Variants in STXBP3 observed in about 807,000 individuals in gnomAD.
STXBP3 encodes the protein syntaxin binding protein 3.
STXBP3 carries 41 observed loss-of-function variants against 85.7 expected under a neutral mutation model. That is an observed-to-expected ratio of 0.48 (90% CI 0.37 to 0.62). STXBP3 has a LOEUF of 0.62. Among genes scored for constraint, STXBP3 ranks in the 20% least tolerant of loss-of-function variants. The probability of loss-of-function intolerance (pLI) is 0.00; values close to 1 mark genes in which losing one functional copy is unlikely to be tolerated. For synonymous variants in STXBP3, 229 were observed against 231.7 expected (o/e 0.99, Z 0.10); for missense variants, 563 against 703.1 (o/e 0.80, Z 2.25).
intron 1 of STXBP3, among the ~76,000 whole-genome samples, chr1:108,747,339 G>A (rs1348159434): frequency 1.3e-5 from 2 of 152,146 alleles, no homozygotes; most frequent in Non-Finnish European, 2.9e-5. Flanking sequence ...CCTACTTTCT[G>A]AAAAGTTCTT....
chr1:108,788,085 C>T (rs1359498641), intron 11 of STXBP3, among the ~76,000 whole-genome samples: 1 of 152,204 alleles, frequency 6.6e-6, no homozygotes, highest in African/African-American at 2.4e-5. Flanking sequence ...AGCCACCACA[C>T]CCAGCCTGTT....
intron 12 of STXBP3, among the ~76,000 whole-genome samples, chr1:108,794,036 G>A (rs184233609): frequency 1.0e-3 from 159 of 151,974 alleles, no homozygotes; most frequent in Non-Finnish European, 1.6e-3. Context: ...CTATTTTTTT[G>A]CTCCTTAAAA....
chr1:108,756,516 A>C (rs1376851270), intron 3 of STXBP3, among the ~76,000 whole-genome samples, 174 bp from the exon 4 acceptor site: 1 of 152,076 alleles, frequency 6.6e-6, no homozygotes, highest in Non-Finnish European at 1.5e-5. Flanking sequence ...AGGATTTTAA[A>C]ATGTATCCAG....
chr1:108,794,858 G>C lies in STXBP3; in HGVS notation c.1061G>C (p.Cys354Ser), dbSNP rs1452562331. Residue 354 changes from cysteine to serine, a missense_variant, in exon 13 of 19, where the codon TGC becomes TCC. Around this residue, in one of 3 missense-constraint regions of STXBP3, gnomAD observed 494 missense variants for 592.8 expected, o/e 0.83. Transcript: ENST00000370008. The part of the protein sequence containing the change: ...QVVHLNLAED[C>S]MNKFKLNIEK... ...GTCCATCTTAACTTAGCAGAAGATT[G>C]CATGAATAAGTTCAAGCTTAATATA... The C allele has an allele frequency of 2.5e-6, 4 of 1,610,530 alleles. No homozygotes were observed. The highest frequency in any genetic ancestry group is 1.7e-6 in the Non-Finnish European group (2 of 1,178,200).
At chr1:108,788,323 A>G (rs1246263868) in intron 11 of STXBP3, among the ~76,000 whole-genome samples, 1 of 152,162 alleles carries the variant, frequency 6.6e-6, no homozygotes, top group Non-Finnish European at 1.5e-5. Flanking sequence ...ATTTGCTTCT[A>G]TATTTATGAG....
At chr1:108,773,402 T>G (rs924160769) in intron 7 of STXBP3, among the ~76,000 whole-genome samples, 7 of 152,210 alleles carry the variant, frequency 4.6e-5, no homozygotes, top group African/African-American at 1.7e-4. Flanking sequence ...CATAGGCTAA[T>G]TGATATAAAC....
In STXBP3 at chr1:108,771,443, T is replaced by TATATATATATAATATATAAATATATATG. The variant is rs1557805488; in HGVS notation, c.439-1214_439-1213insATAATATATAAATATATATGATATATAT. Among the ~76,000 whole-genome samples the TATATATATATAATATATAAATATATATG allele has an allele frequency of 9.3e-4, 22 of 23,606 alleles. 1 individual carries two copies. The highest frequency in any genetic ancestry group is 1.9e-3 in the African/African-American group (7 of 3,716). The allele number at this position is 23,606 out of a possible 152,430, so 15.5% of individuals were successfully genotyped here. The stretch of plus-strand genomic sequence containing the variant: ...TATATAAATATATATGATATATATC[T>TATATATATATAATATATAAATATATATG]ATATATATCATATATAAATATATAT... On this transcript the variant is annotated intron_variant, in intron 6 of 18. Transcript: ENST00000370008.
chr1:108,782,978 C>T (rs1207617313), intron 11 of STXBP3, among the ~76,000 whole-genome samples: 2 of 152,234 alleles, frequency 1.3e-5, no homozygotes, highest in African/African-American at 4.8e-5. Flanking sequence ...TCTCAGCTCA[C>T]TGCAGTCTCC....
At chr1:108,808,109 T>G (rs568183079) in intron 18 of STXBP3, among the ~76,000 whole-genome samples, 1 of 152,352 alleles carries the variant, frequency 6.6e-6, no homozygotes, top group African/African-American at 2.4e-5. Context: ...TGTACGTTTG[T>G]TTAACCATTA....
At chr1:108,778,378 G>A (rs977916529) in intron 8 of STXBP3, among the ~76,000 whole-genome samples, 1 of 152,160 alleles carries the variant, frequency 6.6e-6, no homozygotes, top group Non-Finnish European at 1.5e-5. Flanking sequence ...TGATGTTTGC[G>A]AATTAATGAT....
chr1:108,782,199 A>G, intron 9 of STXBP3: 1 of 433,394 alleles, frequency 2.3e-6, no homozygotes, highest in South Asian at 4.5e-5. Flanking sequence ...AATGGCACCT[A>G]AACTGAATAT....
chr1:108,779,453 G>C, intron 9 of STXBP3, 43 bp downstream of exon 9: 1 of 1,551,964 alleles, frequency 6.4e-7, no homozygotes, highest in Non-Finnish European at 8.7e-7. Flanking sequence ...TATACAAACA[G>C]GATAGAATAT....
intron 8 of STXBP3, among the ~76,000 whole-genome samples, chr1:108,778,973 T>C (rs1190843340): frequency 6.6e-6 from 1 of 152,180 alleles, no homozygotes; most frequent in Non-Finnish European, 1.5e-5. Context: ...TTGAAAAAAC[T>C]CTGAGTATAA....
chr1:108,800,713 C>T (rs191301841), intron 17 of STXBP3, among the ~76,000 whole-genome samples: 333 of 152,170 alleles, frequency 2.2e-3, no homozygotes, highest in African/African-American at 7.8e-3. Flanking sequence ...TATTATTTTC[C>T]CTTATTTTCT....
intron 17 of STXBP3, among the ~76,000 whole-genome samples, chr1:108,803,903 G>A (rs537597211): frequency 3.9e-5 from 6 of 152,328 alleles, no homozygotes; most frequent in Non-Finnish European, 7.3e-5. Context: ...ATATTCTGCT[G>A]TTTCCAGGGT....
chr1:108,776,577 G>A (rs931070889), intron 8 of STXBP3, 154 bp downstream of exon 8: 6 of 515,468 alleles, frequency 1.2e-5, no homozygotes, highest in Admixed American at 3.3e-5. Context: ...ATACACAATC[G>A]TGCAAACCTT....
chr1:108,759,418 A>G lies in STXBP3; in HGVS notation c.338-567A>G, dbSNP rs115464408. ...CTTAAGGCTAAAGAATATCATGTTAAAAGATACTAGGAGCCAGTGGTTGAT... is the reference window on the plus strand; with the variant it reads ...CTTAAGGCTAAAGAATATCATGTTAGAAGATACTAGGAGCCAGTGGTTGAT... On this transcript the variant is annotated intron_variant, in intron 5 of 18. Coordinates refer to ENST00000370008, the MANE Select transcript of STXBP3 (RefSeq NM_007269.4). Among the ~76,000 whole-genome samples the G allele has an allele frequency of 7.5e-3, 1,137 of 152,292 alleles. 12 individuals are homozygous for G. The highest frequency in any genetic ancestry group is 0.026 in the African/African-American group (1,087 of 41,562).
chr1:108,782,264 G>A (rs1662729398), intron 9 of STXBP3, 158 bp from the exon 10 acceptor site: 1 of 578,146 alleles, frequency 1.7e-6, no homozygotes, highest in Non-Finnish European at 3.1e-6. Context: ...ATAGCAGCGT[G>A]CCTTAGTTTT....
intron 3 of STXBP3, among the ~76,000 whole-genome samples, chr1:108,755,536 T>C (rs1662000221): frequency 6.6e-6 from 1 of 152,118 alleles, no homozygotes; most frequent in African/African-American, 2.4e-5. Context: ...TTTAGTTGTT[T>C]GATAGATGTG....
Sources: allele counts gnomAD v4.1 joint callset (sites outside exome capture counted in the v4.1 genomes callset), GRCh38; gene constraint gnomAD v4.1.1; regional missense constraint gnomAD v4.1.1; transcripts MANE v1.5; gene names NCBI Gene and HGNC (gene_info 2026-07-23, HGNC 2026-07-21).